The following SBF2 variants were observed in gnomAD, a reference collection of about 807,000 sequenced individuals.
SBF2 encodes myotubularin-related protein 13.
In SBF2, 112 loss-of-function variants were observed where a neutral mutation model predicts 225.2. The observed-to-expected ratio is 0.50, with a 90% confidence interval of 0.43 to 0.58. The LOEUF (loss-of-function observed/expected upper bound fraction) is 0.58, where lower values mean the gene tolerates loss of function less well. Ranked by LOEUF, SBF2 falls within the 20% of genes least tolerant of loss-of-function variation. The pLI is 0.00. For synonymous variants in SBF2, 763 were observed against 773.3 expected (o/e 0.99, Z 0.22); for missense variants, 1,996 against 2,206.2 (o/e 0.90, Z 1.91).
chr11:9,802,503 A>C (rs903043815), intron 32 of SBF2, among the ~76,000 whole-genome samples: 5 of 152,234 alleles, frequency 3.3e-5, no homozygotes, highest in Non-Finnish European at 7.3e-5. Context: ...CAATGTTAGA[A>C]ATGGTTAATA....
At chr11:10,125,869 GA>G (rs1463255833) in intron 2 of SBF2, among the ~76,000 whole-genome samples, 1 of 152,134 alleles carries the variant, frequency 6.6e-6, no homozygotes, top group East Asian at 1.9e-4. Context: ...GTATGAGTCA[GA>G]AATTTTGTAG....
chr11:10,238,260 C>A (rs954785027), intron 1 of SBF2, among the ~76,000 whole-genome samples: 3 of 151,702 alleles, frequency 2.0e-5, no homozygotes, highest in African/African-American at 7.3e-5. Context: ...AACAGGAAAA[C>A]CAGCTGGGTG....
At chr11:10,302,807 C>G (rs1292772937) in intron 1 of SBF2, 2 of 152,910 alleles carry the variant, frequency 1.3e-5, no homozygotes, top group African/African-American at 4.8e-5. Flanking sequence ...CTCTGGAGAA[C>G]GAACACCCCC....
chr11:10,137,772 CGAG>C (rs567645158), intron 2 of SBF2, among the ~76,000 whole-genome samples: 10 of 152,028 alleles, frequency 6.6e-5, no homozygotes, highest in Non-Finnish European at 1.2e-4. Flanking sequence ...TTTGGGAGGC[CGAG>C]GTGGGTGGAT....
intron 8 of SBF2, among the ~76,000 whole-genome samples, chr11:9,998,844 C>T (rs1947822363): frequency 6.6e-6 from 1 of 152,202 alleles, no homozygotes; most frequent in Non-Finnish European, 1.5e-5. Context: ...CTATGGACTG[C>T]TGCATGAATG....
intron 1 of SBF2, among the ~76,000 whole-genome samples, chr11:10,209,309 G>C (rs2896533): frequency 0.65 from 94,984 of 145,070 alleles, 30,531 homozygotes; most frequent in African/African-American, 0.76. Context: ...CCACAAATTT[G>C]TTTTTTTTTT....
chr11:10,287,422 C>A (rs1963872057), intron 1 of SBF2, among the ~76,000 whole-genome samples: 1 of 152,090 alleles, frequency 6.6e-6, no homozygotes, highest in South Asian at 2.1e-4. Context: ...GCTGGAACTA[C>A]AGACATGTGT....
chr11:10,285,878 C>A (rs544318302), intron 1 of SBF2, among the ~76,000 whole-genome samples: 1 of 152,158 alleles, frequency 6.6e-6, no homozygotes, highest in Non-Finnish European at 1.5e-5. Context: ...AAAAAGAGCA[C>A]AAATTTGATC....
rs899707850 is a variant in SBF2, at chr11:9,998,183, C to T, written c.975+83G>A. 3.7e-6 allele frequency: 3 copies of T among 802,948 alleles called. No homozygotes were observed. The African/African-American group carries it at 5.2e-5, about 14-fold the overall frequency. The allele number at this position is 802,948 out of a possible 1,614,324, so 49.7% of individuals were successfully genotyped here. On this transcript the variant is annotated intron_variant, in intron 9 of 39. Transcript: ENST00000256190. The stretch of plus-strand genomic sequence containing the variant: ...CTCTTTAAATTAAAGTAACAAACTG[C>T]ATTGACAAACATTTTTAATTTTAGC...
chr11:10,000,951 C>G lies in SBF2; in HGVS notation c.824G>C (p.Gly275Ala). 6.2e-7 allele frequency: 1 copy of G among 1,604,884 alleles called. No individual in the cohort carries two copies. Among genetic ancestry groups the G allele is most frequent in the Non-Finnish European group, 8.5e-7 (1 of 1,171,832 alleles). ...ATCAGTTTTAAAGACAGAATGTACT[C>G]CAATAATGAAAGGCGTTGGGGAACT... ...VLSSPTPFII[G>A]VHSVFKTDVH... The change falls in exon 8 of 40, where the codon GGA becomes GCA. Residue 275 changes from glycine to alanine, a missense_variant. Transcript: ENST00000256190.
At chr11:10,054,803 A>G (rs1001973449) in intron 2 of SBF2, among the ~76,000 whole-genome samples, 3 of 152,220 alleles carry the variant, frequency 2.0e-5, no homozygotes, top group Non-Finnish European at 4.4e-5. Context: ...ACATGAAAAA[A>G]TGCTCAACAT....
intron 1 of SBF2, among the ~76,000 whole-genome samples, chr11:10,240,930 A>G (rs2135460990): frequency 6.6e-6 from 1 of 152,382 alleles, no homozygotes; most frequent in South Asian, 2.1e-4. Context: ...AAGAATACTT[A>G]GAGGAATATT....
In SBF2 at chr11:9,936,531, T is replaced by C. The variant is rs540656953; in HGVS notation, c.1860+25426A>G. ...ATGTTTATTGCAGCACTATTCACAA[T>C]AGCAAAGACTTGGAACCAACCCAAA... On this transcript the variant is annotated intron_variant, in intron 16 of 39. Coordinates refer to ENST00000256190, the MANE Select transcript of SBF2 (RefSeq NM_030962.4). Among the ~76,000 whole-genome samples the C allele has an allele frequency of 1.2e-4, 19 of 152,258 alleles. No homozygotes were observed. The East Asian group carries it at 3.7e-3, about 29-fold the overall frequency.
chr11:9,918,079 C>T (rs996377734), intron 16 of SBF2, among the ~76,000 whole-genome samples: 4 of 149,290 alleles, frequency 2.7e-5, no homozygotes, highest in African/African-American at 5.2e-5. Context: ...TTGAAATAGG[C>T]GCATCTAGGG....
At chr11:9,789,490 T>C in intron 34 of SBF2, 148 bp from the exon 35 acceptor site, 1 of 628,458 alleles carries the variant, frequency 1.6e-6, no homozygotes, top group South Asian at 1.9e-5. Flanking sequence ...TTAAAAATCA[T>C]ACATCAAGAT....
chr11:9,897,564 T>G (rs1184586532), intron 16 of SBF2, among the ~76,000 whole-genome samples: 1 of 152,124 alleles, frequency 6.6e-6, no homozygotes, highest in Non-Finnish European at 1.5e-5. Context: ...TGTCTAGCAG[T>G]GGGGTCCAAT....
intron 2 of SBF2, chr11:10,149,667 T>C (rs1193698822): frequency 1.3e-5 from 2 of 152,306 alleles, no homozygotes; most frequent in East Asian, 3.9e-4. Flanking sequence ...TCATATACTT[T>C]GGGATCTTGT....
chr11:9,806,172 T>C (rs1390996868), intron 32 of SBF2, among the ~76,000 whole-genome samples: 1 of 152,252 alleles, frequency 6.6e-6, no homozygotes, highest in African/African-American at 2.4e-5. Context: ...ATAGATGTTA[T>C]CAAAGAAGTC....
At chr11:9,883,054 A>G (rs1446916796) in intron 17 of SBF2, among the ~76,000 whole-genome samples, 1 of 152,072 alleles carries the variant, frequency 6.6e-6, no homozygotes, top group Non-Finnish European at 1.5e-5. Flanking sequence ...GGATTGCTTG[A>G]ACTCAGGAAG....
Sources: gnomAD v4.1 joint callset for allele counts (sites outside exome capture counted in the v4.1 genomes callset) on GRCh38, gnomAD v4.1.1 for gene constraint, MANE v1.5 for transcripts, NCBI Gene and HGNC (gene_info 2026-07-23, HGNC 2026-07-21) for gene names.